NRIP1: variants seen among roughly 807,000 people sequenced by gnomAD.
The protein encoded by NRIP1 is nuclear receptor interacting protein 1, also known as nuclear receptor-interacting protein 1.
A neutral mutation model predicts 75.0 loss-of-function variants in NRIP1; 28 were observed. That is an observed-to-expected ratio of 0.37 (90% CI 0.28 to 0.51). NRIP1 has a LOEUF of 0.51. NRIP1 is among the 20% of genes least tolerant of loss of function. NRIP1 has a pLI of 0.92. For missense variants in NRIP1, 1,435 were observed against 1,343.7 expected (o/e 1.07, Z -1.06); for synonymous variants, 526 against 487.6 (o/e 1.08, Z -1.04).
At chr21:14,980,778 T>C (rs2087213190) in intron 3 of NRIP1, among the ~76,000 whole-genome samples, 1 of 152,116 alleles carries the variant, frequency 6.6e-6, no homozygotes, top group Non-Finnish European at 1.5e-5. Flanking sequence ...TACATGTAAA[T>C]GTTCTCAATT....
chr21:15,030,597 G>A lies in NRIP1; in HGVS notation c.-458+12898C>T, dbSNP rs895398315. ...TAAACATATTACCAAAGCAAAGGCA[G>A]TACAAATATAGAGTTCTAATAAGTT... On this transcript the variant is annotated intron_variant, in intron 2 of 3. Coordinates refer to ENST00000318948, the MANE Select transcript of NRIP1 (RefSeq NM_003489.4). Among the ~76,000 whole-genome samples, 17 of 152,306 alleles carry A rather than the reference G, an allele frequency of 1.1e-4. No individual in the cohort carries two copies. In the East Asian group the frequency reaches 3.1e-3, roughly 28 times the overall value.
In NRIP1 at chr21:14,966,235, T is replaced by A; in HGVS notation, c.1958A>T (p.Gln653Leu). The change falls in exon 4 of 4, where the codon CAG becomes CTG. Residue 653 changes from glutamine to leucine, a missense_variant. Coordinates refer to ENST00000318948, the MANE Select transcript of NRIP1 (RefSeq NM_003489.4). ...TTTATCTGTGTTTCCAGTTAACAGC[T>A]GTTTGCTGGGTCTCTGCTCTTCCAC... ...MSVEEQRPSK[Q>L]LLTGNTDKPI... 1 of 1,614,046 alleles carries A rather than the reference T, an allele frequency of 6.2e-7. No individual in the cohort carries two copies. Among genetic ancestry groups the A allele is most frequent in the Non-Finnish European group, 8.5e-7 (1 of 1,179,960 alleles).
intron 2 of NRIP1, among the ~76,000 whole-genome samples, chr21:15,023,017 A>G (rs998149497): frequency 2.0e-5 from 3 of 152,214 alleles, no homozygotes; most frequent in African/African-American, 7.2e-5. Flanking sequence ...CAGAATAGGC[A>G]AATTAATCTA....
chr21:15,048,690 AC>A (rs1367099151), intron 1 of NRIP1, among the ~76,000 whole-genome samples: 1 of 152,236 alleles, frequency 6.6e-6, no homozygotes, highest in Non-Finnish European at 1.5e-5. Flanking sequence ...AAGCAAATAA[AC>A]CTCTCTATCC....
intron 3 of NRIP1, among the ~76,000 whole-genome samples, chr21:15,008,438 T>C (rs767153925): frequency 2.0e-5 from 3 of 151,982 alleles, no homozygotes; most frequent in Non-Finnish European, 4.4e-5. Context: ...TAAAGAGGAC[T>C]TGAAAGCCGG....
At chr21:15,022,715 A>G (rs2147215800) in intron 2 of NRIP1, among the ~76,000 whole-genome samples, 1 of 152,304 alleles carries the variant, frequency 6.6e-6, no homozygotes, top group East Asian at 1.9e-4. Flanking sequence ...ACTGGTGGGA[A>G]TGTAAAATGC....
intron 2 of NRIP1, among the ~76,000 whole-genome samples, chr21:15,028,736 T>C (rs962098124): frequency 1.3e-5 from 2 of 152,160 alleles, no homozygotes; most frequent in Non-Finnish European, 2.9e-5. Flanking sequence ...AACACTTAAT[T>C]TTTCTATTTC....
chr21:15,026,258 C>T (rs2088518420), intron 2 of NRIP1, among the ~76,000 whole-genome samples: 1 of 152,094 alleles, frequency 6.6e-6, no homozygotes, highest in Admixed American at 6.6e-5. Flanking sequence ...TAAGATAGTA[C>T]ACCAATGATG....
intron 3 of NRIP1, among the ~76,000 whole-genome samples, chr21:14,997,012 A>G (rs941704688): frequency 6.6e-6 from 1 of 152,134 alleles, no homozygotes; most frequent in Non-Finnish European, 1.5e-5. Flanking sequence ...AAATCAAATC[A>G]TAAGGCATTT....
At chr21:15,023,118 C>G (rs2088419481) in intron 2 of NRIP1, among the ~76,000 whole-genome samples, 1 of 152,082 alleles carries the variant, frequency 6.6e-6, no homozygotes, top group African/African-American at 2.4e-5. Context: ...CTTTTAAGAT[C>G]ATGAAACTGT....
intron 3 of NRIP1, among the ~76,000 whole-genome samples, chr21:15,000,217 G>C (rs1458845709): frequency 6.6e-6 from 1 of 152,092 alleles, no homozygotes; most frequent in Non-Finnish European, 1.5e-5. Flanking sequence ...ACTTTCAAAA[G>C]AGCAACTCAT....
intron 2 of NRIP1, among the ~76,000 whole-genome samples, chr21:15,041,074 C>A (rs779653414): frequency 2.0e-5 from 3 of 152,028 alleles, no homozygotes; most frequent in Non-Finnish European, 4.4e-5. Flanking sequence ...GCCTTATTTG[C>A]AGACACAAAC....
At chr21:15,036,866 A>G (rs998603778) in intron 2 of NRIP1, among the ~76,000 whole-genome samples, 1 of 152,188 alleles carries the variant, frequency 6.6e-6, no homozygotes, top group African/African-American at 2.4e-5. Context: ...AATGTGAATT[A>G]AATATGAAAA....
rs768892803 is a variant in NRIP1, at chr21:14,967,948, T to C, written c.245A>G (p.Lys82Arg). The stretch of plus-strand genomic sequence containing the variant: ...AGAAGACTGCAACAGTCTGGCTTTT[T>C]TGAGGTGCAGCATGCCAGACCCCTG... ...TYQGSGMLHL[K>R]KARLLQSSED... The change falls in exon 4 of 4, where the codon AAA becomes AGA. Residue 82 changes from lysine (K) to arginine (R), a missense_variant. Lys to Arg is a conservative substitution (Grantham distance 26). Transcript: ENST00000318948. 5 of 1,614,108 alleles carry C rather than the reference T, an allele frequency of 3.1e-6. No homozygotes were observed. Among genetic ancestry groups the C allele is most frequent in the Admixed American group, 1.7e-5 (1 of 59,986 alleles).
In NRIP1 at chr21:14,967,651, G is replaced by C. The variant is rs1489122161; in HGVS notation, c.542C>G (p.Ala181Gly). Residue 181 changes from alanine to glycine, a missense_variant, in exon 4 of 4, where the codon GCA (alanine) becomes GGA (glycine). By Grantham distance (60) the Ala-to-Gly change is moderately conservative (BLOSUM62 0). Coordinates refer to ENST00000318948, the MANE Select transcript of NRIP1 (RefSeq NM_003489.4). ...CAACAAAGTTTTTAAGTGACTTGAT[G>C]CAACACCATAGCACCTTAAATCCTT... ...VEKDLRCYGV[A>G]SSHLKTLLKK... The C allele has an allele frequency of 1.9e-6, 3 of 1,613,978 alleles. No homozygotes were observed. The highest frequency in any genetic ancestry group is 4.5e-5 in the East Asian group (2 of 44,864).
chr21:15,000,349 C>A (rs1439478446), intron 3 of NRIP1, among the ~76,000 whole-genome samples: 1 of 152,024 alleles, frequency 6.6e-6, no homozygotes, highest in Non-Finnish European at 1.5e-5. Context: ...TTCATGTGTT[C>A]AACAAATGTT....
At chr21:15,031,870 T>C (rs2088705221) in intron 2 of NRIP1, among the ~76,000 whole-genome samples, 1 of 151,534 alleles carries the variant, frequency 6.6e-6, no homozygotes, top group South Asian at 2.1e-4. Flanking sequence ...CCTTTCTATG[T>C]GTATACACTC....
Position 14,966,260 on chromosome 21 carries a change from C to T in NRIP1, c.1933G>A (p.Val645Met), listed in dbSNP as rs150623834. ...AQCGMQSSMS[V>M]EEQRPSKQLL... The stretch of plus-strand genomic sequence containing the variant: ...TGTTTGCTGGGTCTCTGCTCTTCCA[C>T]TGACATGGATGACTGCATTCCACAT... Residue 645 changes from valine to methionine, a missense_variant, in exon 4 of 4, where the codon GTG (valine) becomes ATG (methionine). By Grantham distance (21) the Val-to-Met change is conservative. Transcript: ENST00000318948. The T allele has an allele frequency of 6.2e-7, 1 of 1,614,094 alleles. No homozygotes were observed. The highest frequency in any genetic ancestry group is 1.3e-5 in the African/African-American group (1 of 75,038).
chr21:15,048,647 A>G (rs1018181007), intron 1 of NRIP1, among the ~76,000 whole-genome samples: 1 of 152,258 alleles, frequency 6.6e-6, no homozygotes, highest in African/African-American at 2.4e-5. Context: ...ATTTTATGTA[A>G]TAAAATTTAA....
Sources: gnomAD v4.1 joint callset for allele counts (sites outside exome capture counted in the v4.1 genomes callset) on GRCh38, gnomAD v4.1.1 for gene constraint, MANE v1.5 for transcripts, NCBI Gene and HGNC (gene_info 2026-07-23, HGNC 2026-07-21) for gene names.